Variants in SPMAP2L observed in about 807,000 individuals in gnomAD.
The protein encoded by SPMAP2L is sperm microtubule associated protein 2 like.
At chr4:56,567,536 G>A in the SPMAP2L span, among the ~76,000 whole-genome samples, 27 of 138,684 alleles carry the variant, frequency 1.9e-4, no homozygotes, top group South Asian at 5.0e-4. Flanking sequence ...GTGATCCGCC[G>A]CCTCGGCCTC....
the SPMAP2L span, among the ~76,000 whole-genome samples, chr4:56,542,727 A>G: frequency 6.8e-6 from 1 of 147,616 alleles, no homozygotes. Context: ...CTAGCATCAC[A>G]CTTTGAGTAA....
At chr4:56,579,886 G>A in the SPMAP2L span, among the ~76,000 whole-genome samples, 1 of 152,280 alleles carries the variant, frequency 6.6e-6, no homozygotes, top group South Asian at 2.1e-4. Context: ...TCTGAGTCAA[G>A]AAGAAATAGA....
At chr4:56,589,487 G>A in the SPMAP2L span, among the ~76,000 whole-genome samples, 2 of 152,130 alleles carry the variant, frequency 1.3e-5, no homozygotes, top group South Asian at 4.1e-4. Context: ...GTGTTATTTT[G>A]ATGGGGATTG....
chr4:56,574,253 G>A, the SPMAP2L span, among the ~76,000 whole-genome samples: 8 of 151,916 alleles, frequency 5.3e-5, no homozygotes, highest in East Asian at 1.9e-4. Context: ...GCCCCCATCC[G>A]TACAAATATA....
chr4:56,614,204 T>C, the SPMAP2L span, among the ~76,000 whole-genome samples: 2 of 152,180 alleles, frequency 1.3e-5, no homozygotes, highest in African/African-American at 2.4e-5. Context: ...GGAAAGTTGA[T>C]GAGACTAGTG....
the SPMAP2L span, chr4:56,594,737 G>A: frequency 1.6e-5 from 23 of 1,469,996 alleles, no homozygotes; most frequent in Non-Finnish European, 2.1e-5. Context: ...GAACCTAGCA[G>A]CCATCATGAT....
At chr4:56,531,256 C>G in the SPMAP2L span, 1 of 1,431,338 alleles carries the variant, frequency 7.0e-7, no homozygotes, top group Non-Finnish European at 9.2e-7. Context: ...CCATCTAGAA[C>G]CGGGGGTCCT....
chr4:56,604,916 C>T, the SPMAP2L span, among the ~76,000 whole-genome samples: 1 of 152,176 alleles, frequency 6.6e-6, no homozygotes, highest in African/African-American at 2.4e-5. Flanking sequence ...AAAAACCAAA[C>T]ATTGTATATT....
chr4:56,596,662 C>T, the SPMAP2L span: 12 of 1,484,380 alleles, frequency 8.1e-6, no homozygotes, highest in Non-Finnish European at 1.1e-5. Flanking sequence ...TATCCTTCAG[C>T]TCACTTTTTG....
chr4:56,568,968 C>A, the SPMAP2L span, among the ~76,000 whole-genome samples: 1 of 152,188 alleles, frequency 6.6e-6, no homozygotes, highest in Non-Finnish European at 1.5e-5. Flanking sequence ...CAAGATTCAT[C>A]TGTGTTGTAG....
chr4:56,554,172 G>T, the SPMAP2L span, among the ~76,000 whole-genome samples: 1 of 152,022 alleles, frequency 6.6e-6, no homozygotes, highest in Non-Finnish European at 1.5e-5. Context: ...TCACGTGCAG[G>T]TTTTTTTGGT....
the SPMAP2L span, among the ~76,000 whole-genome samples, chr4:56,598,323 A>G: frequency 2.0e-5 from 3 of 152,212 alleles, no homozygotes; most frequent in Non-Finnish European, 2.9e-5. Flanking sequence ...AGCACCAACT[A>G]TGTGCCAGAG....
the SPMAP2L span, among the ~76,000 whole-genome samples, chr4:56,595,936 T>C: frequency 0.034 from 5,143 of 152,322 alleles, 246 homozygotes; most frequent in African/African-American, 0.11. Flanking sequence ...TCTGCTTACA[T>C]GTGTGCCAGT....
chr4:56,543,177 G>A, the SPMAP2L span, among the ~76,000 whole-genome samples: 3 of 151,158 alleles, frequency 2.0e-5, no homozygotes, highest in East Asian at 2.0e-4. Flanking sequence ...TCCGCCTCCC[G>A]GGTTCACGCC....
the SPMAP2L span, among the ~76,000 whole-genome samples, chr4:56,589,705 T>TTTG: frequency 2.5e-4 from 38 of 151,852 alleles, no homozygotes; most frequent in East Asian, 5.8e-4. Context: ...GTTTTGGGTT[T>TTTG]TTGTTGTTGT....
the SPMAP2L span, among the ~76,000 whole-genome samples, chr4:56,612,990 C>T: frequency 7.9e-4 from 120 of 152,236 alleles, no homozygotes; most frequent in African/African-American, 7.9e-4. Flanking sequence ...AACCTCTAAG[C>T]GGAGTCCCTG....
chr4:56,593,314 G>C, the SPMAP2L span: 7 of 1,149,334 alleles, frequency 6.1e-6, no homozygotes, highest in Non-Finnish European at 9.3e-6. Flanking sequence ...GAAATTTTTT[G>C]TTGACCCCCA....
At chr4:56,613,282 C>T in the SPMAP2L span, among the ~76,000 whole-genome samples, 11 of 152,158 alleles carry the variant, frequency 7.2e-5, no homozygotes, top group South Asian at 2.1e-4. Flanking sequence ...CAGCTGCATG[C>T]GTCTGCCTGC....
chr4:56,603,960 G>A, the SPMAP2L span, among the ~76,000 whole-genome samples: 1 of 152,150 alleles, frequency 6.6e-6, no homozygotes, highest in Admixed American at 6.6e-5. Context: ...TGTTTGGTAA[G>A]CATTAAAATT....
Sources: allele counts gnomAD v4.1 joint callset (sites outside exome capture counted in the v4.1 genomes callset), GRCh38; gene constraint gnomAD v4.1.1; transcripts MANE v1.5; gene names NCBI Gene and HGNC (gene_info 2026-07-23, HGNC 2026-07-21).